Variants in C7 observed in about 807,000 individuals in gnomAD.
C7 encodes complement component C7.
A neutral mutation model predicts 104.8 loss-of-function variants in C7; 83 were observed. That is an observed-to-expected ratio of 0.79 (90% CI 0.66 to 0.95). C7 has a LOEUF of 0.95. Ranked by LOEUF, C7 falls within the 40% of genes least tolerant of loss-of-function variation. The pLI is 0.00. For missense variants in C7, 1,070 were observed against 1,011.2 expected (o/e 1.06, Z -0.79); for synonymous variants, 415 against 360.6 (o/e 1.15, Z -1.71).
intron 3 of C7, among the ~76,000 whole-genome samples, chr5:40,931,387 A>G (rs1406795558): frequency 1.3e-5 from 2 of 152,226 alleles, no homozygotes; most frequent in Non-Finnish European, 2.9e-5. Flanking sequence ...CTAGAAATGT[A>G]TATAGGCTAA....
Position 40,937,662 on chromosome 5 carries a change from G to A in C7, c.539G>A (p.Ser180Asn). The A allele has an allele frequency of 6.2e-7, 1 of 1,600,180 alleles. No individual in the cohort carries two copies. The highest frequency in any genetic ancestry group is 8.5e-7 in the Non-Finnish European group (1 of 1,172,298). ...SGDGKDFYRL[S>N]GNVLSYTFQV... is the part of the protein sequence containing the mutation. ...GATGGAAAAGATTTCTACAGGCTGAGTGGAAATGTCCTGTCCTATACATTC... is the reference window on the plus strand; with the variant it reads ...GATGGAAAAGATTTCTACAGGCTGAATGGAAATGTCCTGTCCTATACATTC... The change falls in exon 6 of 18, where the codon AGT (serine) becomes AAT (asparagine). Residue 180 changes from serine to asparagine, a missense_variant. Ser to Asn is a conservative substitution (Grantham distance 46, BLOSUM62 1). Coordinates refer to ENST00000313164, the MANE Select transcript of C7 (RefSeq NM_000587.4).
intron 9 of C7, 96 bp from the exon 10 acceptor site, chr5:40,955,291 T>C (rs910265057): frequency 2.0e-5 from 23 of 1,139,818 alleles, no homozygotes; most frequent in Middle Eastern, 4.1e-4. Context: ...TTTGACTGTT[T>C]CCATAGTTTG....
rs879430606 is a variant in C7, at chr5:40,916,705, AT to A, written c.6+7099del. On this transcript the variant is annotated intron_variant, in intron 1 of 17. Coordinates refer to ENST00000313164, the MANE Select transcript of C7 (RefSeq NM_000587.4). Reference sequence around the variant, plus strand: ...TTTGACAGGATTGTACCAAATTTTTATTTTTTTTTTAAAAAAGCATTTATTT... The same window carrying A: ...TTTGACAGGATTGTACCAAATTTTTATTTTTTTTTAAAAAAGCATTTATTT... 7.6e-3 allele frequency among the ~76,000 whole-genome samples: 1,150 copies of A among 151,282 alleles called. 19 individuals are homozygous for A. The highest frequency in any genetic ancestry group is 0.026 in the African/African-American group (1,096 of 41,398).
Position 40,962,311 on chromosome 5 carries a change from G to T in C7, c.1749+139G>T, listed in dbSNP as rs139824579. ...TATGCATTTTAGTTTTAGTGGTGAG[G>T]GTTTTAGTGTGTGACTTTTTTTCTT... On this transcript the variant is annotated intron_variant, in intron 13 of 17. Transcript: ENST00000313164. 3 of 496,208 alleles carry T rather than the reference G, an allele frequency of 6.0e-6. No homozygotes were observed. The East Asian group carries it at 9.1e-5, about 15-fold the overall frequency. The allele number at this position is 496,208 out of a possible 1,614,324, so 30.7% of individuals were successfully genotyped here.
chr5:40,963,626 G>A (rs1015238232), intron 13 of C7, among the ~76,000 whole-genome samples: 2 of 152,120 alleles, frequency 1.3e-5, no homozygotes, highest in African/African-American at 4.8e-5. Flanking sequence ...TGAGCTCCAA[G>A]CCCTCTCCCA....
In C7 at chr5:40,981,456, T is replaced by C. The variant is rs1427186883; in HGVS notation, c.2415T>C (p.Cys805=). Residue 805 remains cysteine, a synonymous_variant, in exon 18 of 18, where the codon TGT becomes TGC. Transcript: ENST00000313164. ...SECEEEGFSI[C]VEVNGKEQTM... is the part of the protein sequence containing the mutation. ...GCGAGGAAGAAGGGTTTAGCATTTG[T>C]GTGGAAGTGAACGGCAAGGAGCAGA... 1.2e-5 allele frequency: 20 copies of C among 1,613,608 alleles called. No homozygotes were observed. The highest frequency in any genetic ancestry group is 1.7e-5 in the Non-Finnish European group (20 of 1,179,796).
intron 1 of C7, among the ~76,000 whole-genome samples, chr5:40,922,554 T>G (rs1375259662): frequency 1.3e-5 from 2 of 149,638 alleles, no homozygotes; most frequent in East Asian, 4.0e-4. Context: ...ACAGAAATTT[T>G]GCTGGGTGTG....
In C7 at chr5:40,967,747, A is replaced by G. The variant is rs375988404; in HGVS notation, c.1882+2874A>G. 26 of 174,978 alleles carry G rather than the reference A, an allele frequency of 1.5e-4. No homozygotes were observed. The South Asian group carries it at 3.3e-3, about 23-fold the overall frequency. 10.8% of individuals were successfully genotyped at this position (174,978 alleles called of 1,614,324 possible). On this transcript the variant is annotated intron_variant, in intron 14 of 17. Coordinates refer to ENST00000313164, the MANE Select transcript of C7 (RefSeq NM_000587.4). Reference sequence around the variant, plus strand: ...TTTAAAGTAGGCCTTATTATTAACAACTTTAACAAACCCCATCCTGTGGGA... The same window carrying G: ...TTTAAAGTAGGCCTTATTATTAACAGCTTTAACAAACCCCATCCTGTGGGA...
chr5:40,971,287 G>C (rs764428146), intron 14 of C7, among the ~76,000 whole-genome samples: 3 of 152,166 alleles, frequency 2.0e-5, no homozygotes, highest in African/African-American at 7.2e-5. Context: ...TCTAACTGGC[G>C]TGAGATGGTA....
In C7 at chr5:40,972,448, A is replaced by G; in HGVS notation, c.1928A>G (p.His643Arg). 6.2e-7 allele frequency: 1 copy of G among 1,613,778 alleles called. No homozygotes were observed. Among genetic ancestry groups the G allele is most frequent in the Non-Finnish European group, 8.5e-7 (1 of 1,179,796 alleles). The part of the protein sequence containing the change: ...LPVLMDGIQS[H>R]PQKPFYTVGE... Reference sequence around the variant, plus strand: ...GTACTGATGGATGGCATACAGAGTCACCCCCAAAAACCTTTCTACACAGTT... The same window carrying G: ...GTACTGATGGATGGCATACAGAGTCGCCCCCAAAAACCTTTCTACACAGTT... The change falls in exon 15 of 18, where the codon CAC becomes CGC. Residue 643 changes from histidine (H) to arginine (R), a missense_variant. Physicochemically the swap from His to Arg is conservative, Grantham distance 29 (BLOSUM62 0). Coordinates refer to ENST00000313164, the MANE Select transcript of C7 (RefSeq NM_000587.4).
rs1481685174 is a variant in C7 at position 40,983,440 on chromosome 5, A to T, written c.*1867A>T. The stretch of plus-strand genomic sequence containing the variant: ...TGAAAGAAAGGAAATGAGTAGATGT[A>T]ACTAAGAGGTTTGAGAAAGGAATTT... On this transcript the variant is annotated 3_prime_UTR_variant, in exon 18 of 18. Coordinates refer to ENST00000313164, the MANE Select transcript of C7 (RefSeq NM_000587.4). Among the ~76,000 whole-genome samples the T allele has an allele frequency of 6.6e-6, 1 of 152,194 alleles. No individual in the cohort carries two copies. The highest frequency in any genetic ancestry group is 1.5e-5 in the Non-Finnish European group (1 of 68,032).
chr5:40,955,307 T>C (rs1052106271), intron 9 of C7, 80 bp from the exon 10 acceptor site: 3 of 1,432,512 alleles, frequency 2.1e-6, no homozygotes, highest in Admixed American at 2.3e-5. Flanking sequence ...GTTTGGCTTT[T>C]TCCAGGATGT....
intron 15 of C7, among the ~76,000 whole-genome samples, chr5:40,976,286 A>G (rs1740817775): frequency 6.6e-6 from 1 of 152,222 alleles, no homozygotes; most frequent in Non-Finnish European, 1.5e-5. Flanking sequence ...GGCAGAATGC[A>G]GTCCAAACAA....
chr5:40,911,870 C>A (rs1289726247), intron 1 of C7, among the ~76,000 whole-genome samples: 4 of 151,516 alleles, frequency 2.6e-5, no homozygotes, highest in Non-Finnish European at 1.5e-5. Context: ...TCCTGAGTAG[C>A]TGGGGCTACA....
intron 1 of C7, among the ~76,000 whole-genome samples, chr5:40,911,369 G>A (rs1322228403): frequency 1.3e-5 from 2 of 152,212 alleles, no homozygotes; most frequent in African/African-American, 2.4e-5. Flanking sequence ...GACAGTCACA[G>A]GATTCCCTTT....
rs550615217 is a variant in C7 at position 40,973,403 on chromosome 5, G to A, written c.2074+809G>A. Among the ~76,000 whole-genome samples the A allele has an allele frequency of 7.9e-5, 12 of 152,166 alleles. No individual in the cohort carries two copies. The East Asian group carries it at 1.5e-3, about 20-fold the overall frequency. On this transcript the variant is annotated intron_variant, in intron 15 of 17. Transcript: ENST00000313164. ...TCTAGTATGTGATTTTTAATTAAAC[G>A]CTGAAATTTATTTTTAATAGTGAGG...
intron 1 of C7, among the ~76,000 whole-genome samples, chr5:40,919,468 A>G (rs1406565082): frequency 2.0e-5 from 3 of 152,080 alleles, no homozygotes. Flanking sequence ...CTAGAAATCA[A>G]TTATGGGAGG....
intron 14 of C7, 109 bp downstream of exon 14, chr5:40,964,982 T>C (rs895518260): frequency 4.0e-6 from 5 of 1,240,400 alleles, no homozygotes; most frequent in South Asian, 1.3e-5. Context: ...CTTCCTTTCC[T>C]GTAAGGCTGA....
intron 1 of C7, among the ~76,000 whole-genome samples, chr5:40,923,935 G>T (rs1403901133): frequency 7.6e-6 from 1 of 132,162 alleles, no homozygotes; most frequent in Admixed American, 7.7e-5. Flanking sequence ...ATTTGAAAGG[G>T]ACATCTAAAC....
Sources: gnomAD v4.1 joint callset for allele counts (sites outside exome capture counted in the v4.1 genomes callset) on GRCh38, gnomAD v4.1.1 for gene constraint, MANE v1.5 for transcripts, NCBI Gene and HGNC (gene_info 2026-07-23, HGNC 2026-07-21) for gene names.